Variants in SHC4 observed in about 807,000 individuals in gnomAD.
SHC4 encodes the protein SHC adaptor protein 4.
In SHC4, 41 loss-of-function variants were observed where a neutral mutation model predicts 69.4. The ratio of observed to expected loss-of-function variants is 0.59; its 90% CI spans 0.46 to 0.77. The LOEUF is 0.77. Among genes scored for constraint, SHC4 ranks in the 30% least tolerant of loss-of-function variants. The pLI, the probability that SHC4 is intolerant of heterozygous loss-of-function variation, is 0.00. For missense variants in SHC4, 777 were observed against 783.8 expected (o/e 0.99, Z 0.10); for synonymous variants, 318 against 299.3 (o/e 1.06, Z -0.64).
At chr15:48,840,523 T>C (rs947736072) in intron 10 of SHC4, among the ~76,000 whole-genome samples, 1 of 152,050 alleles carries the variant, frequency 6.6e-6, no homozygotes, top group Non-Finnish European at 1.5e-5. Flanking sequence ...AGGCTAAGTA[T>C]GCCTAAAGAA....
At chr15:48,868,853 G>T (rs890933656) in intron 5 of SHC4, among the ~76,000 whole-genome samples, 19 of 152,112 alleles carry the variant, frequency 1.2e-4, no homozygotes, top group African/African-American at 4.6e-4. Flanking sequence ...AAAGAAAAAA[G>T]GTTTTAAATA....
chr15:48,927,252 C>T (rs1900870458), intron 1 of SHC4, among the ~76,000 whole-genome samples: 2 of 152,178 alleles, frequency 1.3e-5, no homozygotes, highest in Admixed American at 6.5e-5. Context: ...CCTCTTCCAC[C>T]CCAGAGCCTA....
chr15:48,849,341 C>G (rs1899160959), intron 9 of SHC4, among the ~76,000 whole-genome samples: 1 of 152,102 alleles, frequency 6.6e-6, no homozygotes, highest in Non-Finnish European at 1.5e-5. Flanking sequence ...TTGTCACTTC[C>G]TTAGGGAGAG....
chr15:48,838,606 T>C (rs1898938548), intron 10 of SHC4, among the ~76,000 whole-genome samples: 2 of 152,150 alleles, frequency 1.3e-5, no homozygotes, highest in Admixed American at 6.5e-5. Flanking sequence ...TTATTTGCAA[T>C]GTAAAGGAAG....
chr15:48,901,481 T>C (rs1900317064), intron 2 of SHC4, among the ~76,000 whole-genome samples: 1 of 152,230 alleles, frequency 6.6e-6, no homozygotes, highest in Non-Finnish European at 1.5e-5. Context: ...TTTCCATTCT[T>C]TTATTCTAAC....
intron 1 of SHC4, among the ~76,000 whole-genome samples, chr15:48,939,936 T>C (rs1352691520): frequency 6.6e-6 from 1 of 152,220 alleles, no homozygotes; most frequent in Non-Finnish European, 1.5e-5. Context: ...AGGCCTGCCA[T>C]TGGAAGCCCA....
chr15:48,906,802 T>A (rs1020666506), intron 2 of SHC4, among the ~76,000 whole-genome samples: 1 of 152,166 alleles, frequency 6.6e-6, no homozygotes, highest in Non-Finnish European at 1.5e-5. Flanking sequence ...AGCTAGGCAA[T>A]CATTTTCTGT....
intron 7 of SHC4, 115 bp from the exon 8 acceptor site, chr15:48,856,239 A>G: frequency 1.0e-6 from 1 of 974,078 alleles, no homozygotes; most frequent in Non-Finnish European, 1.5e-6. Context: ...TCATGTTTTC[A>G]GTTTATAGCT....
intron 3 of SHC4, among the ~76,000 whole-genome samples, chr15:48,886,539 C>T (rs1900039439): frequency 6.6e-6 from 1 of 152,132 alleles, no homozygotes; most frequent in South Asian, 2.1e-4. Context: ...ATTCAAGTCC[C>T]AGGTTTGATC....
At chr15:48,874,814 G>A (rs1899762439) in intron 4 of SHC4, among the ~76,000 whole-genome samples, 1 of 152,188 alleles carries the variant, frequency 6.6e-6, no homozygotes, top group Non-Finnish European at 1.5e-5. Flanking sequence ...GTGAGTTGAT[G>A]TACTTCAGTT....
chr15:48,857,762 T>C lies in SHC4; in HGVS notation c.1000A>G (p.Ile334Val), dbSNP rs139903318. 21 of 1,606,266 alleles carry C rather than the reference T, an allele frequency of 1.3e-5. No individual in the cohort carries two copies. The African/African-American group carries it at 1.9e-4, about 14-fold the overall frequency. ...AACCGGAGTTCAAAAGCCTGCCCTA[T>C]GGTACTTATGACGTCTTGGGCCATT... ...NGMAQDVIST[I>V]GQAFELRFKQ... Residue 334 changes from isoleucine to valine, a missense_variant, in exon 7 of 12, where the codon ATA becomes GTA. Coordinates refer to ENST00000332408, the MANE Select transcript of SHC4 (RefSeq NM_203349.4).
At chr15:48,915,580 C>T (rs1388796266) in intron 2 of SHC4, among the ~76,000 whole-genome samples, 1 of 152,140 alleles carries the variant, frequency 6.6e-6, no homozygotes, top group Non-Finnish European at 1.5e-5. Flanking sequence ...CCACTGACAC[C>T]AGTGCTCGCT....
chr15:48,899,064 C>G (rs190381540), intron 2 of SHC4, among the ~76,000 whole-genome samples: 1 of 148,788 alleles, frequency 6.7e-6, no homozygotes, highest in Non-Finnish European at 1.5e-5. Context: ...AAAAAAAAAC[C>G]GAAAACAGGT....
intron 2 of SHC4, among the ~76,000 whole-genome samples, chr15:48,897,784 C>CACACACACACAT (rs369256772): frequency 6.6e-6 from 1 of 151,814 alleles, no homozygotes; most frequent in South Asian, 2.1e-4. Context: ...CACACACACA[C>CACACACACACAT]ATCTATAGTC....
At chr15:48,853,659 G>GA (rs1899258453) in intron 8 of SHC4, among the ~76,000 whole-genome samples, 1 of 152,290 alleles carries the variant, frequency 6.6e-6, no homozygotes, top group African/African-American at 2.4e-5. Context: ...TAATGGAACA[G>GA]AATAGAGAAC....
At chr15:48,877,792 A>G (rs574361642) in intron 4 of SHC4, 218 of 184,044 alleles carry the variant, frequency 1.2e-3, no homozygotes, top group Non-Finnish European at 1.5e-3. Context: ...TCATCAGTAC[A>G]TCGGTAAATT....
intron 6 of SHC4, among the ~76,000 whole-genome samples, chr15:48,859,384 G>T (rs1289225686): frequency 6.6e-6 from 1 of 151,100 alleles, no homozygotes; most frequent in South Asian, 2.1e-4. Flanking sequence ...CAATGCTAAG[G>T]TATCAAATCT....
intron 2 of SHC4, among the ~76,000 whole-genome samples, chr15:48,897,267 G>A (rs1226499117): frequency 6.6e-6 from 1 of 152,140 alleles, no homozygotes; most frequent in African/African-American, 2.4e-5. Flanking sequence ...GAGAGAGAAG[G>A]GGAGAAGTGG....
At chr15:48,842,180 G>C (rs770482893) in intron 10 of SHC4, among the ~76,000 whole-genome samples, 1 of 152,160 alleles carries the variant, frequency 6.6e-6, no homozygotes, top group African/African-American at 2.4e-5. Context: ...TCCTGTTTAT[G>C]ATAGTAATTT....
Sources: allele counts gnomAD v4.1 joint callset (sites outside exome capture counted in the v4.1 genomes callset), GRCh38; gene constraint gnomAD v4.1.1; transcripts MANE v1.5; gene names NCBI Gene and HGNC (gene_info 2026-07-23, HGNC 2026-07-21).